The following NFIA variants were observed in gnomAD, a reference collection of about 807,000 sequenced individuals.
The protein encoded by NFIA is nuclear factor I A, also known as nuclear factor 1 A-type.
In NFIA, 8 loss-of-function variants were observed where a neutral mutation model predicts 62.8. That is an observed-to-expected ratio of 0.13 (90% CI 0.07 to 0.23). The LOEUF is 0.23. Among genes scored for constraint, NFIA ranks in the 10% least tolerant of loss-of-function variants. The pLI is 1.00. For synonymous variants in NFIA, 235 were observed against 238.1 expected (o/e 0.99, Z 0.12); for missense variants, 410 against 642.1 (o/e 0.64, Z 3.91).
chr1:61,311,054 T>A (rs1660084028), intron 3 of NFIA, among the ~76,000 whole-genome samples: 1 of 152,130 alleles, frequency 6.6e-6, no homozygotes, highest in Admixed American at 6.5e-5. Context: ...TAGTAGGTAT[T>A]TAGTTAGTAT....
intron 10 of NFIA, among the ~76,000 whole-genome samples, chr1:61,447,114 ACT>A (rs2100583008): frequency 6.6e-6 from 1 of 151,340 alleles, no homozygotes; most frequent in African/African-American, 2.4e-5. Context: ...ACTCTCCTCA[ACT>A]CTCCCCCTGC....
chr1:61,098,073 T>C (rs1025589730), intron 2 of NFIA, among the ~76,000 whole-genome samples: 6 of 152,210 alleles, frequency 3.9e-5, no homozygotes, highest in African/African-American at 1.2e-4. Context: ...ATAGAATAAG[T>C]AATTAAGATA....
intron 2 of NFIA, among the ~76,000 whole-genome samples, chr1:61,177,339 G>A (rs1407282310): frequency 6.6e-6 from 1 of 152,134 alleles, no homozygotes; most frequent in Non-Finnish European, 1.5e-5. Context: ...CTTTAAATGT[G>A]TCAAGTTATT....
chr1:61,099,420 T>A (rs1252867028), intron 2 of NFIA, among the ~76,000 whole-genome samples: 1 of 152,198 alleles, frequency 6.6e-6, no homozygotes, highest in Non-Finnish European at 1.5e-5. Flanking sequence ...CATTTTGCTT[T>A]GTGATAGAGC....
In NFIA at chr1:61,277,665, G is replaced by T. The variant is rs11207719; in HGVS notation, c.625+80G>T. On this transcript the variant is annotated intron_variant, in intron 3 of 10. Transcript: ENST00000403491. ...GGCCGACTAAGTGTGAGGATTTGGG[G>T]GCCTACCCTATAAGTAGCCCACAGT... 0.096 allele frequency: 138,593 copies of T among 1,440,382 alleles called. 7,843 individuals are homozygous for T. The highest frequency in any genetic ancestry group is 0.25 in the African/African-American group (17,599 of 71,070). The allele number at this position is 1,440,382 out of a possible 1,614,324, so 89.2% of individuals were successfully genotyped here.
At chr1:61,089,144 T>A (rs1459644710) in intron 2 of NFIA, among the ~76,000 whole-genome samples, 1 of 152,188 alleles carries the variant, frequency 6.6e-6, no homozygotes, top group East Asian at 1.9e-4. Context: ...GGTAGATTAC[T>A]ATCAAATTGC....
At chr1:61,413,819 G>A (rs186036842) in intron 9 of NFIA, among the ~76,000 whole-genome samples, 67 of 151,512 alleles carry the variant, frequency 4.4e-4, no homozygotes, top group African/African-American at 1.5e-3. Flanking sequence ...GTGGAGACAG[G>A]GTTTCGCCAT....
At chr1:61,341,625 G>A (rs1222574703) in intron 4 of NFIA, among the ~76,000 whole-genome samples, 2 of 152,046 alleles carry the variant, frequency 1.3e-5, no homozygotes, top group African/African-American at 2.4e-5. Context: ...CCACAGGCAC[G>A]CGTTGCCACA....
intron 3 of NFIA, among the ~76,000 whole-genome samples, chr1:61,280,380 A>T (rs1475568287): frequency 6.6e-6 from 1 of 152,240 alleles, no homozygotes; most frequent in African/African-American, 2.4e-5. Flanking sequence ...AATCTTGCTG[A>T]TTGAAGAAGT....
rs190909534 is a variant in NFIA, at chr1:61,332,859, A to G, written c.700+273A>G. On this transcript the variant is annotated intron_variant, in intron 4 of 10. Transcript: ENST00000403491. ...ATTTCTAAGAAATTCTGCATTTTAAAAGAATTTGTTTTTGACCTTTAAAAA... is the reference window on the plus strand; with the variant it reads ...ATTTCTAAGAAATTCTGCATTTTAAGAGAATTTGTTTTTGACCTTTAAAAA... 2.6e-3 allele frequency among the ~76,000 whole-genome samples: 390 copies of G among 152,260 alleles called. 1 individual carries two copies. Among genetic ancestry groups the G allele is most frequent in the Middle Eastern group, 0.014 (4 of 294 alleles).
At chr1:61,400,663 G>T (rs975508645) in intron 7 of NFIA, among the ~76,000 whole-genome samples, 1 of 152,102 alleles carries the variant, frequency 6.6e-6, no homozygotes, top group Non-Finnish European at 1.5e-5. Flanking sequence ...ACATCCATAA[G>T]ACATGTTTTT....
At chr1:61,442,819 G>T (rs796345969) in intron 10 of NFIA, among the ~76,000 whole-genome samples, 9 of 152,242 alleles carry the variant, frequency 5.9e-5, no homozygotes, top group African/African-American at 2.2e-4. Context: ...CTGGCTAAAG[G>T]CTGAGAAACT....
chr1:61,094,436 G>T (rs907828233), intron 2 of NFIA, among the ~76,000 whole-genome samples: 1 of 152,182 alleles, frequency 6.6e-6, no homozygotes, highest in African/African-American at 2.4e-5. Context: ...TTTTTGCATA[G>T]CTTTTTTCAG....
intron 2 of NFIA, among the ~76,000 whole-genome samples, chr1:61,140,360 T>TTTGGGG (rs1647413024): frequency 1.2e-4 from 1 of 8,352 alleles, no homozygotes; most frequent in Non-Finnish European, 2.9e-4. Flanking sequence ...TTTTTTTTTT[T>TTTGGGG]GGCGGGCGGG....
intron 6 of NFIA, 100 bp downstream of exon 6, chr1:61,359,374 G>A (rs1479669508): frequency 2.0e-6 from 3 of 1,534,576 alleles, no homozygotes; most frequent in Non-Finnish European, 2.7e-6. Flanking sequence ...GAAAGCTCAA[G>A]GTAGTTCACT....
At chr1:61,201,325 C>T (rs938637213) in intron 2 of NFIA, among the ~76,000 whole-genome samples, 2 of 151,986 alleles carry the variant, frequency 1.3e-5, no homozygotes, top group African/African-American at 2.4e-5. Flanking sequence ...TATCAACTGA[C>T]CTGTTTTCTG....
At chr1:61,198,418 G>C (rs1322403605) in intron 2 of NFIA, among the ~76,000 whole-genome samples, 2 of 152,176 alleles carry the variant, frequency 1.3e-5, no homozygotes, top group Non-Finnish European at 2.9e-5. Flanking sequence ...GTGCCTTGCT[G>C]TGTGTTCTGT....
At chr1:61,193,011 T>C (rs1651749910) in intron 2 of NFIA, among the ~76,000 whole-genome samples, 1 of 152,194 alleles carries the variant, frequency 6.6e-6, no homozygotes, top group Non-Finnish European at 1.5e-5. Flanking sequence ...CTTGAAAACT[T>C]TGGTACTCAG....
chr1:61,421,071 A>AC (rs1412439996), intron 9 of NFIA, among the ~76,000 whole-genome samples: 2 of 152,086 alleles, frequency 1.3e-5, no homozygotes, highest in African/African-American at 2.4e-5. Flanking sequence ...GAACCTGTCA[A>AC]CCAACACATC....
Sources: gnomAD v4.1 joint callset for allele counts (sites outside exome capture counted in the v4.1 genomes callset) on GRCh38, gnomAD v4.1.1 for gene constraint, MANE v1.5 for transcripts, NCBI Gene and HGNC (gene_info 2026-07-23, HGNC 2026-07-21) for gene names.